ATXN1: variants seen among roughly 807,000 people sequenced by gnomAD.
The protein encoded by ATXN1 is ataxin 1.
ATXN1 carries 8 observed loss-of-function variants against 56.4 expected under a neutral mutation model. The ratio of observed to expected loss-of-function variants is 0.14; its 90% confidence interval spans 0.08 to 0.26. ATXN1 has a LOEUF of 0.26. Among genes scored for constraint, ATXN1 ranks in the 10% least tolerant of loss-of-function variants. The probability of loss-of-function intolerance (pLI) is 1.00; values close to 1 mark genes in which losing one functional copy is unlikely to be tolerated. For synonymous variants in ATXN1, 514 were observed against 494.6 expected, an observed-to-expected ratio of 1.04 and a Z score of -0.52; for missense variants, 987 against 1,106.5, an observed-to-expected ratio of 0.89 and a Z score of 1.53.
intron 3 of ATXN1, among the ~76,000 whole-genome samples, chr6:16,628,783 A>T (rs2113808040): frequency 6.6e-6 from 1 of 152,354 alleles, no homozygotes; most frequent in South Asian, 2.1e-4. Flanking sequence ...ATACTCCTGC[A>T]AAAGACATGA....
chr6:16,649,847 GA>G (rs1425751443), intron 3 of ATXN1, among the ~76,000 whole-genome samples: 4 of 152,150 alleles, frequency 2.6e-5, no homozygotes, highest in Admixed American at 6.5e-5. Context: ...CAAGGTTTAA[GA>G]TAAGTCAATT....
intron 6 of ATXN1, among the ~76,000 whole-genome samples, chr6:16,479,591 A>G (rs1760394821): frequency 6.6e-6 from 1 of 152,238 alleles, no homozygotes; most frequent in Admixed American, 6.5e-5. Flanking sequence ...GGAGTAATTT[A>G]TGTGTTGTTA....
intron 4 of ATXN1, among the ~76,000 whole-genome samples, chr6:16,539,992 C>G (rs1761681142): frequency 6.6e-6 from 1 of 152,154 alleles, no homozygotes; most frequent in Non-Finnish European, 1.5e-5. Flanking sequence ...AGGATCCATG[C>G]CACAGAAACA....
chr6:16,716,907 G>A (rs11967040), intron 2 of ATXN1, among the ~76,000 whole-genome samples: 4 of 152,158 alleles, frequency 2.6e-5, no homozygotes, highest in African/African-American at 7.2e-5. Flanking sequence ...TACAGTTCAC[G>A]AGATGTCCAT....
Position 16,760,909 on chromosome 6 carries a change from G to T in ATXN1, c.-730+389C>A, listed in dbSNP as rs1761072582. 6.9e-6 allele frequency among the ~76,000 whole-genome samples: 1 copy of T among 145,182 alleles called. No homozygotes were observed. The highest frequency in any genetic ancestry group is 1.5e-5 in the Non-Finnish European group (1 of 65,544). ...GCAGCCGGGGGAGCGGGGCGCCGCC[G>T]CCGCTCTCCCCGCCCGCGCCCCCCG... On this transcript the variant is annotated intron_variant, in intron 1 of 7. Transcript: ENST00000436367. This position sits in a 1 kb window ranked among gnomAD's most constrained non-coding sequence, Gnocchi z 5.3.
intron 2 of ATXN1, among the ~76,000 whole-genome samples, chr6:16,721,128 C>A (rs1456015588): frequency 6.6e-6 from 1 of 152,190 alleles, no homozygotes; most frequent in Non-Finnish European, 1.5e-5. Context: ...TCCCTTAAGA[C>A]AGCTATTAGT....
chr6:16,580,413 C>T (rs942710969), intron 4 of ATXN1, among the ~76,000 whole-genome samples: 2 of 152,136 alleles, frequency 1.3e-5, no homozygotes, highest in East Asian at 1.9e-4. Context: ...ATTTCTACCT[C>T]GAGTTTTGCC....
At chr6:16,510,725 G>A (rs577252101) in intron 5 of ATXN1, among the ~76,000 whole-genome samples, 2 of 152,074 alleles carry the variant, frequency 1.3e-5, no homozygotes, top group South Asian at 4.1e-4. Flanking sequence ...GTGACAGAGT[G>A]AGGCCCTGTC....
chr6:16,653,835 T>C (rs905979927), intron 3 of ATXN1, among the ~76,000 whole-genome samples: 1 of 152,166 alleles, frequency 6.6e-6, no homozygotes, highest in African/African-American at 2.4e-5. Flanking sequence ...TTGATGTTGC[T>C]TAGGTCAACA....
At chr6:16,329,074 C>T (rs1760918592) in intron 6 of ATXN1, among the ~76,000 whole-genome samples, 1 of 152,124 alleles carries the variant, frequency 6.6e-6, no homozygotes, top group African/African-American at 2.4e-5. Flanking sequence ...CTAAGATGTT[C>T]TCAATACCCT....
chr6:16,434,968 G>C (rs918971493), intron 6 of ATXN1, among the ~76,000 whole-genome samples: 1 of 152,206 alleles, frequency 6.6e-6, no homozygotes, highest in African/African-American at 2.4e-5. Flanking sequence ...GACTAGAATG[G>C]TGATAGTGGG....
intron 6 of ATXN1, among the ~76,000 whole-genome samples, chr6:16,357,204 T>G (rs189835926): frequency 6.6e-6 from 1 of 151,904 alleles, no homozygotes; most frequent in East Asian, 1.9e-4. Flanking sequence ...CCTATGGGTT[T>G]GAGACATTTT....
At chr6:16,753,204 G>A (rs1225915153) in intron 2 of ATXN1, 29 bp downstream of exon 2, 1 of 456,374 alleles carries the variant, frequency 2.2e-6, no homozygotes, top group East Asian at 7.0e-5. Flanking sequence ...TCCTCAGATG[G>A]AAAACAGAGA....
chr6:16,609,088 C>G (rs1763060405), intron 3 of ATXN1, among the ~76,000 whole-genome samples: 1 of 152,134 alleles, frequency 6.6e-6, no homozygotes, highest in African/African-American at 2.4e-5. Context: ...ACATAAAAGG[C>G]TGAATCAGAA....
At chr6:16,676,682 G>T (rs1165354210) in intron 2 of ATXN1, among the ~76,000 whole-genome samples, 2 of 152,106 alleles carry the variant, frequency 1.3e-5, no homozygotes, top group African/African-American at 2.4e-5. Context: ...ATATAAAATT[G>T]GGTTTCCTAT....
intron 6 of ATXN1, among the ~76,000 whole-genome samples, chr6:16,344,395 G>C (rs1761331255): frequency 6.6e-6 from 1 of 152,174 alleles, no homozygotes; most frequent in South Asian, 2.1e-4. Context: ...ATAAACATTT[G>C]GGTCATGGGC....
chr6:16,457,727 C>T (rs920984262), intron 6 of ATXN1, among the ~76,000 whole-genome samples: 1 of 152,168 alleles, frequency 6.6e-6, no homozygotes. Context: ...TTACATTCCA[C>T]AGGAGGACCT....
intron 6 of ATXN1, among the ~76,000 whole-genome samples, chr6:16,473,369 C>T (rs1219222260): frequency 6.6e-6 from 1 of 152,108 alleles, no homozygotes; most frequent in East Asian, 1.9e-4. Context: ...TGAAATGAAA[C>T]AGTCATTTCT....
intron 6 of ATXN1, among the ~76,000 whole-genome samples, chr6:16,382,601 A>G (rs1208356375): frequency 5.3e-5 from 8 of 152,172 alleles, no homozygotes; most frequent in Non-Finnish European, 1.2e-4. Context: ...TTTTAAATCC[A>G]AAATTGTTTT....
Sources: allele counts gnomAD v4.1 joint callset (sites outside exome capture counted in the v4.1 genomes callset), GRCh38; gene constraint gnomAD v4.1.1; non-coding constraint Gnocchi (gnomAD v3.1); transcripts MANE v1.5; gene names NCBI Gene and HGNC (gene_info 2026-07-23, HGNC 2026-07-21).